Variants in TNS1 observed in about 807,000 individuals in gnomAD.
TNS1 encodes the protein tensin-1.
A neutral mutation model predicts 168.6 loss-of-function variants in TNS1; 62 were observed. That is an observed-to-expected ratio of 0.37 (90% confidence interval 0.30 to 0.45). The LOEUF (loss-of-function observed/expected upper bound fraction) is 0.45, where lower values mean the gene tolerates loss of function less well. Ranked by LOEUF, TNS1 falls within the 20% of genes least tolerant of loss-of-function variation. TNS1 has a pLI of 1.00. For missense variants in TNS1, 2,240 were observed against 2,339.4 expected, an observed-to-expected ratio of 0.96 and a Z score of 0.88; for synonymous variants, 934 against 933.2, an observed-to-expected ratio of 1.00 and a Z score of -0.02.
chr2:217,940,933 G>C (rs1230629920), intron 3 of TNS1, among the ~76,000 whole-genome samples: 1 of 152,118 alleles, frequency 6.6e-6, no homozygotes, highest in African/African-American at 2.4e-5. Context: ...AGGGAAAGCA[G>C]GTTTGGAAAG....
At chr2:217,853,239 G>A (rs940366123) in intron 18 of TNS1, among the ~76,000 whole-genome samples, 2 of 152,206 alleles carry the variant, frequency 1.3e-5, no homozygotes, top group African/African-American at 4.8e-5. Flanking sequence ...GTGAAATAAG[G>A]TAGAGGAGGA....
chr2:217,928,795 G>A (rs1306236827), intron 3 of TNS1, among the ~76,000 whole-genome samples: 1 of 151,214 alleles, frequency 6.6e-6, no homozygotes, highest in African/African-American at 2.4e-5. Context: ...TCCTCTTCTT[G>A]TCTCAGGATC....
At chr2:217,906,982 T>C (rs963513348) in intron 5 of TNS1, among the ~76,000 whole-genome samples, 1 of 145,916 alleles carries the variant, frequency 6.9e-6, no homozygotes, top group Non-Finnish European at 1.5e-5. Context: ...CCTCTCTGCC[T>C]GCCCAGTTGC....
chr2:217,921,824 T>C (rs1955722022), intron 3 of TNS1, among the ~76,000 whole-genome samples: 1 of 152,202 alleles, frequency 6.6e-6, no homozygotes, highest in South Asian at 2.1e-4. Flanking sequence ...CTGTTAACAT[T>C]TTTAATCCTT....
At chr2:217,853,421 G>C (rs1213334204) in intron 18 of TNS1, among the ~76,000 whole-genome samples, 1 of 152,142 alleles carries the variant, frequency 6.6e-6, no homozygotes, top group Non-Finnish European at 1.5e-5. Flanking sequence ...GCATGGGCTA[G>C]AGGGAGGGGT....
In TNS1 at chr2:217,818,449, G is replaced by C. The variant is rs267599205; in HGVS notation, c.3883C>G (p.Pro1295Ala). 1.5e-5 allele frequency: 24 copies of C among 1,614,062 alleles called. No individual in the cohort carries two copies. The Admixed American group carries it at 3.3e-4, about 22-fold the overall frequency. ...GCCCGCCAGCCGAAGCCAGGACTAG[G>C]GGGAGTGTTGGTGCCCACTGTTCTG... ...RHRTVGTNTP[P>A]SPGFGWRAIN... Residue 1295 changes from proline (P) to alanine (A), a missense_variant, in exon 24 of 33, where the codon CCT (proline) becomes GCT (alanine). Coordinates refer to ENST00000682258, the MANE Select transcript of TNS1 (RefSeq NM_001387777.1).
At chr2:217,910,553 C>T (rs1372650695) in intron 4 of TNS1, among the ~76,000 whole-genome samples, 1 of 151,910 alleles carries the variant, frequency 6.6e-6, no homozygotes, top group East Asian at 1.9e-4. Flanking sequence ...CTGCCACTGC[C>T]CCAGGCCCTG....
chr2:217,853,593 C>A (rs896943999), intron 18 of TNS1, among the ~76,000 whole-genome samples: 1 of 152,126 alleles, frequency 6.6e-6, no homozygotes, highest in Non-Finnish European at 1.5e-5. Context: ...CAGTGTCCTG[C>A]CCATTCCTCT....
chr2:217,810,012 G>T lies in TNS1; in HGVS notation c.5105-21C>A, dbSNP rs553124948. On this transcript the variant is annotated intron_variant, in intron 29 of 32. Coordinates refer to ENST00000682258, the MANE Select transcript of TNS1 (RefSeq NM_001387777.1). ...GCAGGCTGGAAGAAACCAACCCAAG[G>T]GGGAGTCATGGGAGCTGGCGTGGGT... The T allele has an allele frequency of 5.0e-6, 8 of 1,608,082 alleles. No individual in the cohort carries two copies. The East Asian group carries it at 8.9e-5, about 18-fold the overall frequency.
intron 3 of TNS1, among the ~76,000 whole-genome samples, chr2:217,932,729 C>T (rs896650295): frequency 1.3e-5 from 2 of 152,162 alleles, no homozygotes; most frequent in African/African-American, 4.8e-5. Context: ...TCAAAGAAAG[C>T]ATGGGACACT....
intron 3 of TNS1, among the ~76,000 whole-genome samples, chr2:217,966,797 A>G (rs1287406537): frequency 6.6e-6 from 1 of 152,198 alleles, no homozygotes; most frequent in African/African-American, 2.4e-5. Context: ...CTGAGTGTGG[A>G]ACACGAAAGG....
chr2:217,842,669 G>T (rs927511866), intron 19 of TNS1, among the ~76,000 whole-genome samples: 1 of 152,020 alleles, frequency 6.6e-6, no homozygotes, highest in Non-Finnish European at 1.5e-5. Flanking sequence ...CCTTCCTAAG[G>T]CTTCTCATGC....
chr2:217,913,084 C>A (rs1215432250), intron 4 of TNS1, among the ~76,000 whole-genome samples: 1 of 152,126 alleles, frequency 6.6e-6, no homozygotes, highest in African/African-American at 2.4e-5. Context: ...GAAGTGGGAG[C>A]CGATGGGTGA....
At chr2:217,806,846 G>A (rs1939215620) in intron 32 of TNS1, among the ~76,000 whole-genome samples, 2 of 152,200 alleles carry the variant, frequency 1.3e-5, no homozygotes, top group African/African-American at 4.8e-5. Flanking sequence ...ACCTCCCCAT[G>A]TGTCAGACAT....
At chr2:217,935,037 T>C (rs1956530597) in intron 3 of TNS1, among the ~76,000 whole-genome samples, 2 of 152,240 alleles carry the variant, frequency 1.3e-5, no homozygotes, top group Admixed American at 6.5e-5. Context: ...GCAGGTCACC[T>C]GACGCCCCTG....
chr2:217,915,806 G>T (rs1181515275), intron 4 of TNS1, among the ~76,000 whole-genome samples: 1 of 152,244 alleles, frequency 6.6e-6, no homozygotes, highest in Non-Finnish European at 1.5e-5. Flanking sequence ...TTTGCTCCAT[G>T]TACAGTTTGT....
At chr2:217,837,571 G>A (rs1945344676) in intron 19 of TNS1, among the ~76,000 whole-genome samples, 2 of 152,240 alleles carry the variant, frequency 1.3e-5, no homozygotes, top group African/African-American at 2.4e-5. Flanking sequence ...AGCAGGACTG[G>A]CATTTGCACA....
chr2:217,825,821 G>A (rs748801954), intron 22 of TNS1, among the ~76,000 whole-genome samples: 3 of 152,156 alleles, frequency 2.0e-5, no homozygotes, highest in Admixed American at 6.5e-5. Flanking sequence ...GAGATGGCTC[G>A]ATAGCATGGC....
chr2:217,930,646 G>A (rs916103431), intron 3 of TNS1, among the ~76,000 whole-genome samples: 1 of 152,198 alleles, frequency 6.6e-6, no homozygotes, highest in Admixed American at 6.5e-5. Flanking sequence ...GGGAGCAGAG[G>A]AGAGAGATTA....
Sources: allele counts gnomAD v4.1 joint callset (sites outside exome capture counted in the v4.1 genomes callset), GRCh38; gene constraint gnomAD v4.1.1; transcripts MANE v1.5; gene names NCBI Gene and HGNC (gene_info 2026-07-23, HGNC 2026-07-21).